ZNF423: variants seen among roughly 807,000 people sequenced by gnomAD.
ZNF423 encodes the protein Ebf-associated zinc finger protein.
In ZNF423, 12 loss-of-function variants were observed where a neutral mutation model predicts 95.8. The ratio of observed to expected loss-of-function variants is 0.13; its 90% confidence interval spans 0.08 to 0.20. The LOEUF is 0.20. ZNF423 is among the 10% of genes least tolerant of loss of function. The pLI is 1.00. For synonymous variants in ZNF423, 749 were observed against 711.9 expected (o/e 1.05, Z -0.83); for missense variants, 1,316 against 1,737.1 (o/e 0.76, Z 4.31).
At chr16:49,830,371 C>T (rs2035048922) in intron 1 of ZNF423, among the ~76,000 whole-genome samples, 1 of 152,096 alleles carries the variant, frequency 6.6e-6, no homozygotes, top group Admixed American at 6.5e-5. Flanking sequence ...AAGAGACAGC[C>T]GCTCACACAA....
chr16:49,645,032 C>G (rs988694248), intron 3 of ZNF423, among the ~76,000 whole-genome samples: 1 of 152,174 alleles, frequency 6.6e-6, no homozygotes, highest in African/African-American at 2.4e-5. Context: ...GTACAATACT[C>G]CAACCATCAA....
intron 5 of ZNF423, among the ~76,000 whole-genome samples, chr16:49,616,759 ATTC>A (rs745317196): frequency 3.3e-5 from 5 of 152,290 alleles, no homozygotes; most frequent in Middle Eastern, 3.4e-3. Context: ...AGAGGGGGCC[ATTC>A]TTCTTGCAGA....
chr16:49,729,848 G>A (rs753153969), intron 3 of ZNF423, among the ~76,000 whole-genome samples: 50 of 152,158 alleles, frequency 3.3e-4, no homozygotes, highest in Middle Eastern at 6.8e-3. Flanking sequence ...AGCTTTGGGT[G>A]CCAATCTAAT....
At chr16:49,614,064 A>G (rs920894503) in intron 5 of ZNF423, among the ~76,000 whole-genome samples, 5 of 152,242 alleles carry the variant, frequency 3.3e-5, no homozygotes, top group Admixed American at 6.5e-5. Context: ...ACAAAGGACT[A>G]GTACTTAGAA....
rs146143295 is a variant in ZNF423 at position 49,554,581 on chromosome 16, T to C, written c.3602-29087A>G. On this transcript the variant is annotated intron_variant, in intron 5 of 7. Transcript: ENST00000563137. ...GAAAATGCCAACTCAATGTTCTCCA[T>C]TTGTTTTCAGGGACTCATTACATTA... 4.7e-3 allele frequency among the ~76,000 whole-genome samples: 712 copies of C among 152,084 alleles called. 8 individuals are homozygous for C. Among genetic ancestry groups the C allele is most frequent in the African/African-American group, 0.016 (652 of 41,488 alleles).
intron 1 of ZNF423, among the ~76,000 whole-genome samples, chr16:49,795,014 G>A (rs2034475824): frequency 6.6e-6 from 1 of 152,162 alleles, no homozygotes; most frequent in African/African-American, 2.4e-5. Context: ...TGGGATTACA[G>A]GCGCTTATCA....
intron 5 of ZNF423, among the ~76,000 whole-genome samples, chr16:49,527,475 TC>T (rs1968661152): frequency 6.6e-6 from 1 of 152,066 alleles, no homozygotes; most frequent in South Asian, 2.1e-4. Context: ...CCCCAATGCA[TC>T]CCCTGCCCCC....
At chr16:49,527,720 A>G (rs1031614632) in intron 5 of ZNF423, among the ~76,000 whole-genome samples, 5 of 152,334 alleles carry the variant, frequency 3.3e-5, no homozygotes, top group Admixed American at 2.6e-4. Context: ...GGAAGAAGAA[A>G]TGGGTTCGGA....
At chr16:49,611,427 AT>A (rs1437214270) in intron 5 of ZNF423, among the ~76,000 whole-genome samples, 1 of 152,070 alleles carries the variant, frequency 6.6e-6, no homozygotes. Context: ...GCTCATGGGA[AT>A]TTTTTAATAC....
chr16:49,586,456 C>A (rs1049174660), intron 5 of ZNF423, among the ~76,000 whole-genome samples: 1 of 152,230 alleles, frequency 6.6e-6, no homozygotes, highest in African/African-American at 2.4e-5. Flanking sequence ...CTATCAGCTC[C>A]ATTTTTTGCT....
chr16:49,820,995 C>T (rs763875502), intron 1 of ZNF423, among the ~76,000 whole-genome samples: 15 of 152,326 alleles, frequency 9.8e-5, no homozygotes, highest in Non-Finnish European at 1.8e-4. Flanking sequence ...AACTGCTCCA[C>T]GCATTTTCCC....
At position 49,635,714 on chromosome 16, in the gene ZNF423, G is replaced by A; in HGVS notation, c.3462C>T (p.Leu1154=). 3.7e-6 allele frequency: 6 copies of A among 1,606,492 alleles called. No homozygotes were observed. The highest frequency in any genetic ancestry group is 5.1e-6 in the Non-Finnish European group (6 of 1,177,710). ...TCCGGGGCCCACTGGTCTCCGGCGT[G>A]AGGTCACGGTGGTCCACCTGCATGT... ...ESHMQVDHRD[L]TPETSGPRKG... Residue 1154 remains leucine (L), a synonymous_variant, in exon 4 of 8, where the codon CTC becomes CTT. Coordinates refer to ENST00000563137, the MANE Select transcript of ZNF423 (RefSeq NM_001379286.1). The surrounding 1 kb of genome is among the most constrained non-coding windows in gnomAD (Gnocchi z 4.8).
At chr16:49,772,134 G>C (rs1241398826) in intron 2 of ZNF423, among the ~76,000 whole-genome samples, 1 of 152,182 alleles carries the variant, frequency 6.6e-6, no homozygotes, top group African/African-American at 2.4e-5. Flanking sequence ...CAAATCCCAA[G>C]GCCTGAAACC....
At chr16:49,659,783 A>T (rs2030106181) in intron 3 of ZNF423, among the ~76,000 whole-genome samples, 1 of 152,176 alleles carries the variant, frequency 6.6e-6, no homozygotes, top group Non-Finnish European at 1.5e-5. Context: ...GGAAGGGGAG[A>T]TGCCACCCCC....
At chr16:49,718,009 A>C (rs1286220654) in intron 3 of ZNF423, among the ~76,000 whole-genome samples, 1 of 152,166 alleles carries the variant, frequency 6.6e-6, no homozygotes, top group African/African-American at 2.4e-5. Flanking sequence ...CCCTGGCCAA[A>C]GTTATCGAGG....
chr16:49,768,309 GC>G lies in ZNF423; in HGVS notation c.100+21177del, dbSNP rs1253200542. Among the ~76,000 whole-genome samples the G allele has an allele frequency of 1.3e-4, 20 of 152,320 alleles. No individual in the cohort carries two copies. In the East Asian group the frequency reaches 3.7e-3, roughly 28 times the overall value. On this transcript the variant is annotated intron_variant, in intron 2 of 7. Coordinates refer to ENST00000563137, the MANE Select transcript of ZNF423 (RefSeq NM_001379286.1). ...GAGAGTTCATTTCATTAACCCGTGA[GC>G]CCCAACTCTTCTCGGCCCAGAATGG...
chr16:49,547,444 G>C (rs1335529163), intron 5 of ZNF423, among the ~76,000 whole-genome samples: 1 of 152,220 alleles, frequency 6.6e-6, no homozygotes, highest in East Asian at 1.9e-4. Context: ...AGAATCTCAA[G>C]GGAGGAGTCA....
chr16:49,615,130 T>TCACA (rs61428028), intron 5 of ZNF423, among the ~76,000 whole-genome samples: 32,350 of 141,022 alleles, frequency 0.23, 3,870 homozygotes, highest in East Asian at 0.34. Flanking sequence ...AAACTCCATC[T>TCACA]CACACACACA....
At chr16:49,712,190 A>T (rs911649631) in intron 3 of ZNF423, among the ~76,000 whole-genome samples, 2 of 152,218 alleles carry the variant, frequency 1.3e-5, no homozygotes, top group Admixed American at 6.5e-5. Flanking sequence ...TAATTGTTTT[A>T]AAATAATGAG....
Sources: gnomAD v4.1 joint callset for allele counts (sites outside exome capture counted in the v4.1 genomes callset) on GRCh38, gnomAD v4.1.1 for gene constraint, Gnocchi (gnomAD v3.1) non-coding constraint, MANE v1.5 for transcripts, NCBI Gene and HGNC (gene_info 2026-07-23, HGNC 2026-07-21) for gene names.